SULT2B1: variants seen among roughly 807,000 people sequenced by gnomAD.
The protein encoded by SULT2B1 is sulfotransferase family 2B member 1.
Under a neutral mutation model 33.2 loss-of-function variants are expected in SULT2B1, and 16 were observed. The ratio of observed to expected loss-of-function variants is 0.48; its 90% CI spans 0.33 to 0.73. SULT2B1 has a LOEUF of 0.73. SULT2B1 is among the 30% of genes least tolerant of loss of function. SULT2B1 has a pLI of 0.02. For missense variants in SULT2B1, 500 were observed against 506.0 expected, an observed-to-expected ratio of 0.99 and a Z score of 0.11; for synonymous variants, 186 against 200.5, an observed-to-expected ratio of 0.93 and a Z score of 0.61.
At chr19:48,564,944 C>G (rs1305845592) in intron 1 of SULT2B1, among the ~76,000 whole-genome samples, 2 of 151,958 alleles carry the variant, frequency 1.3e-5, no homozygotes, top group Admixed American at 1.3e-4. Context: ...GTGCGTGCCA[C>G]CACGCCCGGC....
At chr19:48,587,496 G>C (rs1298667264) in intron 3 of SULT2B1, 59 bp downstream of exon 3, 3 of 1,573,020 alleles carry the variant, frequency 1.9e-6, no homozygotes, top group East Asian at 2.2e-5. Context: ...GGGGTAATGG[G>C]GGGACGGAGC....
Position 48,558,789 on chromosome 19 carries a change from A to G in SULT2B1, c.71+6466A>G, listed in dbSNP as rs533088769. Among the ~76,000 whole-genome samples the G allele has an allele frequency of 2.1e-5, 3 of 144,860 alleles. No individual in the cohort carries two copies. The East Asian group carries it at 6.1e-4, about 29-fold the overall frequency. On this transcript the variant is annotated intron_variant, in intron 1 of 6. Coordinates refer to ENST00000201586, the MANE Select transcript of SULT2B1 (RefSeq NM_177973.2). ...AACAGCCGCCTCCGGGGTTCAAGCG[A>G]TTCTCCTGCCTCAGCCTCCTGAGTA...
chr19:48,579,605 C>CTTTCATTT (rs71179013), intron 2 of SULT2B1, among the ~76,000 whole-genome samples: 1 of 79,736 alleles, frequency 1.3e-5, no homozygotes. Flanking sequence ...TTCTTTCTTT[C>CTTTCATTT]TTTTTTTTTT....
intron 6 of SULT2B1, 137 bp from the exon 7 acceptor site, chr19:48,598,998 G>A (rs1301985720): frequency 7.0e-7 from 1 of 1,434,182 alleles, no homozygotes. Flanking sequence ...AATGTGGAGG[G>A]TAGGGAGGAC....
Position 48,560,899 on chromosome 19 carries a change from C to T in SULT2B1, c.71+8576C>T, listed in dbSNP as rs150858984. 7.0e-3 allele frequency among the ~76,000 whole-genome samples: 1,058 copies of T among 151,500 alleles called. 11 individuals carry two copies. The highest frequency in any genetic ancestry group is 0.022 in the African/African-American group (925 of 41,278). ...ATCATTTGAACCCGGGAGGCAGAGG[C>T]TGCAGTGAGCTAAGATCCTGCCATT... On this transcript the variant is annotated intron_variant, in intron 1 of 6. Transcript: ENST00000201586.
chr19:48,567,407 C>T (rs905792900), intron 1 of SULT2B1, among the ~76,000 whole-genome samples: 3 of 151,840 alleles, frequency 2.0e-5, no homozygotes, highest in East Asian at 1.9e-4. Context: ...ACTAAAAATA[C>T]AAAAATTAGC....
Position 48,592,759 on chromosome 19 carries a change from G to C in SULT2B1, c.588G>C (p.Trp196Cys). 1 of 1,598,758 alleles carries C rather than the reference G, an allele frequency of 6.3e-7. No homozygotes were observed. Residue 196 changes from tryptophan to cysteine, a missense_variant, in exon 5 of 7, where the codon TGG (tryptophan) becomes TGC (cysteine). Transcript: ENST00000201586. ...FGSWFDHIKG[W>C]LRMKGKDNFL... is the part of the protein sequence containing the mutation. ...CCTGGTTCGACCACATTAAGGGCTG[G>C]CTTCGGATGAAGGGCAAAGACAACT...
intron 1 of SULT2B1, among the ~76,000 whole-genome samples, chr19:48,574,679 A>G (rs1973379340): frequency 6.6e-6 from 1 of 152,218 alleles, no homozygotes; most frequent in East Asian, 1.9e-4. Context: ...GATTGCTCTT[A>G]TCCTCACATG....
intron 2 of SULT2B1, among the ~76,000 whole-genome samples, chr19:48,577,810 C>G (rs1973434696): frequency 6.6e-6 from 1 of 152,230 alleles, no homozygotes; most frequent in Admixed American, 6.6e-5. Flanking sequence ...ACTCTCCAGA[C>G]AGACTGAAAT....
rs1031246387 is a variant in SULT2B1, at chr19:48,557,812, G to C, written c.71+5489G>C. On this transcript the variant is annotated intron_variant, in intron 1 of 6. Transcript: ENST00000201586. ...TGCATGCCTGTAATCCCAGCTACTC[G>C]GGAGGTTGAGGCAGGAGAATCGCTT... Among the ~76,000 whole-genome samples the C allele has an allele frequency of 7.2e-5, 11 of 151,996 alleles. No homozygotes were observed. In the East Asian group the frequency reaches 1.9e-3, roughly 27 times the overall value.
At chr19:48,566,635 A>G (rs572694738) in intron 1 of SULT2B1, among the ~76,000 whole-genome samples, 48 of 152,174 alleles carry the variant, frequency 3.2e-4, no homozygotes, top group African/African-American at 1.2e-3. Flanking sequence ...TGAGCTCGGG[A>G]GTTCCAGACC....
rs79253477 is a variant in SULT2B1 at position 48,556,333 on chromosome 19, C to T, written c.71+4010C>T. On this transcript the variant is annotated intron_variant, in intron 1 of 6. Transcript: ENST00000201586. Reference sequence around the variant, plus strand: ...TGGATAGGAAATGAATGTAGGAAATCTGTGAAAAGGACGTCAAGAATGAAT... The same window carrying T: ...TGGATAGGAAATGAATGTAGGAAATTTGTGAAAAGGACGTCAAGAATGAAT... Among the ~76,000 whole-genome samples, 649 of 152,228 alleles carry T rather than the reference C, an allele frequency of 4.3e-3. 4 individuals carry two copies. Among genetic ancestry groups the T allele is most frequent in the African/African-American group, 0.014 (573 of 41,544 alleles).
chr19:48,569,362 ACATATATATATATATATAT>A (rs1249410662), intron 1 of SULT2B1, among the ~76,000 whole-genome samples: 7 of 130,092 alleles, frequency 5.4e-5, no homozygotes, highest in African/African-American at 1.9e-4. Context: ...AAAAAAAAAA[ACATATATATATATATATAT>A]ATATATATAT....
At position 48,599,286 on chromosome 19, in the gene SULT2B1, G is replaced by A. The variant is rs745856982; in HGVS notation, c.978G>A (p.Glu326=). ...DGSPDPEPSP[E]PEPKPSLEPN... ...GCCCAGATCCTGAGCCCAGCCCTGA[G>A]CCTGAGCCCAAGCCCAGCCTTGAGC... Residue 326 remains glutamate (E), a synonymous_variant, in exon 7 of 7, where the codon GAG becomes GAA. Transcript: ENST00000201586. This position sits in a 1 kb window ranked among gnomAD's most constrained non-coding sequence, Gnocchi z 4.1. 2.5e-6 allele frequency: 4 copies of A among 1,610,638 alleles called. No individual in the cohort carries two copies. The East Asian group carries it at 6.7e-5, about 27-fold the overall frequency.
At chr19:48,558,721 G>A (rs1973137732) in intron 1 of SULT2B1, among the ~76,000 whole-genome samples, 1 of 134,652 alleles carries the variant, frequency 7.4e-6, no homozygotes, top group South Asian at 2.2e-4. Flanking sequence ...TTTCACTCTG[G>A]TTGCCCAGGC....
chr19:48,561,393 C>T (rs1028470221), intron 1 of SULT2B1, among the ~76,000 whole-genome samples: 11 of 152,020 alleles, frequency 7.2e-5, no homozygotes, highest in Non-Finnish European at 1.5e-4. Context: ...CGTGCCATTG[C>T]ACTCCAGCCT....
chr19:48,569,769 T>G (rs8108788), intron 1 of SULT2B1, among the ~76,000 whole-genome samples: 1,664 of 151,784 alleles, frequency 0.011, 30 homozygotes, highest in African/African-American at 0.038. Context: ...CAGGTTAAAG[T>G]GATTCTCCTG....
intron 1 of SULT2B1, among the ~76,000 whole-genome samples, chr19:48,559,756 G>A (rs963564591): frequency 1.3e-5 from 2 of 152,072 alleles, no homozygotes; most frequent in Non-Finnish European, 2.9e-5. Context: ...AGAGAGGTGT[G>A]GCCAGTTACT....
At chr19:48,578,706 G>A (rs137900563) in intron 2 of SULT2B1, among the ~76,000 whole-genome samples, 4 of 151,850 alleles carry the variant, frequency 2.6e-5, no homozygotes, top group South Asian at 2.1e-4. Context: ...GTGAAACCCC[G>A]TGTCTACTAA....
Sources: gnomAD v4.1 joint callset for allele counts (sites outside exome capture counted in the v4.1 genomes callset) on GRCh38, gnomAD v4.1.1 for gene constraint, Gnocchi (gnomAD v3.1) non-coding constraint, MANE v1.5 for transcripts, NCBI Gene and HGNC (gene_info 2026-07-23, HGNC 2026-07-21) for gene names.